Variants in PIP5K1B observed in about 807,000 individuals in gnomAD.
PIP5K1B encodes the protein phosphatidylinositol-4-phosphate 5-kinase type 1 beta, also known as phosphatidylinositol 4-phosphate 5-kinase type-1 beta.
A neutral mutation model predicts 67.0 loss-of-function variants in PIP5K1B; 42 were observed. The observed-to-expected ratio is 0.63, with a 90% CI of 0.49 to 0.81. PIP5K1B has a LOEUF of 0.81. PIP5K1B is among the 30% of genes least tolerant of loss of function. The pLI is 0.00. For missense variants in PIP5K1B, 459 were observed against 646.3 expected (o/e 0.71, Z 3.14); for synonymous variants, 214 against 231.4 (o/e 0.92, Z 0.68).
At chr9:68,969,161 G>A (rs528873548) in intron 14 of PIP5K1B, among the ~76,000 whole-genome samples, 2 of 152,192 alleles carry the variant, frequency 1.3e-5, no homozygotes, top group East Asian at 3.9e-4. Flanking sequence ...GAGGCCAGGA[G>A]ATCGAGACCA....
intron 2 of PIP5K1B, among the ~76,000 whole-genome samples, chr9:68,794,385 G>A (rs1832168858): frequency 7.5e-6 from 1 of 132,716 alleles, no homozygotes; most frequent in Non-Finnish European, 1.6e-5. Flanking sequence ...ATAAATGACA[G>A]TTTCTTTTCT....
intron 12 of PIP5K1B, among the ~76,000 whole-genome samples, chr9:68,924,429 A>G (rs908783396): frequency 1.3e-5 from 2 of 151,464 alleles, no homozygotes; most frequent in East Asian, 1.9e-4. Context: ...AAAAAAATGA[A>G]AAAAGAAAAA....
intron 15 of PIP5K1B, among the ~76,000 whole-genome samples, chr9:68,998,178 C>G (rs1830676003): frequency 6.6e-6 from 1 of 151,518 alleles, no homozygotes; most frequent in African/African-American, 2.4e-5. Context: ...TCTAGTGACT[C>G]TCCTGCCTCA....
intron 14 of PIP5K1B, among the ~76,000 whole-genome samples, chr9:68,946,334 C>A (rs939004765): frequency 1.3e-5 from 2 of 152,210 alleles, no homozygotes; most frequent in Non-Finnish European, 2.9e-5. Context: ...TAGGATGATG[C>A]ACTCGTTGAT....
intron 4 of PIP5K1B, among the ~76,000 whole-genome samples, chr9:68,852,612 A>G (rs535517162): frequency 6.6e-6 from 1 of 152,338 alleles, no homozygotes; most frequent in South Asian, 2.1e-4. Flanking sequence ...TACTGATGGT[A>G]ACCCAGGGCA....
chr9:68,775,279 C>A (rs142904478), intron 2 of PIP5K1B, among the ~76,000 whole-genome samples: 14 of 152,192 alleles, frequency 9.2e-5, no homozygotes, highest in African/African-American at 3.1e-4. Flanking sequence ...TTTCCTTCTT[C>A]ACAACTTCAT....
intron 4 of PIP5K1B, among the ~76,000 whole-genome samples, chr9:68,830,302 C>G (rs1443094463): frequency 6.6e-6 from 1 of 152,194 alleles, no homozygotes; most frequent in African/African-American, 2.4e-5. Context: ...CCCCTCCAAA[C>G]ACTTGTGCTT....
intron 1 of PIP5K1B, among the ~76,000 whole-genome samples, chr9:68,740,057 C>T (rs1335310325): frequency 6.6e-6 from 1 of 152,208 alleles, no homozygotes; most frequent in Non-Finnish European, 1.5e-5. Context: ...CCTTGATCAG[C>T]CAGCTCCCCA....
At chr9:68,927,664 G>A (rs923376175) in intron 12 of PIP5K1B, among the ~76,000 whole-genome samples, 19 of 152,054 alleles carry the variant, frequency 1.2e-4, no homozygotes, top group Non-Finnish European at 2.4e-4. Flanking sequence ...ACACAAGTCC[G>A]TTATCAGATA....
Position 68,751,511 on chromosome 9 carries a change from G to A in PIP5K1B, c.-86+8854G>A, listed in dbSNP as rs571754203. ...ACAAAGATTGAGATGAGAGAATAGAGGCAGGGAGTAATTCAGGTAATAAAA... is the reference window on the plus strand; with the variant it reads ...ACAAAGATTGAGATGAGAGAATAGAAGCAGGGAGTAATTCAGGTAATAAAA... On this transcript the variant is annotated intron_variant, in intron 2 of 15. Coordinates refer to ENST00000265382, the MANE Select transcript of PIP5K1B (RefSeq NM_003558.4). Among the ~76,000 whole-genome samples, 12 of 152,324 alleles carry A rather than the reference G, an allele frequency of 7.9e-5. No individual in the cohort carries two copies. The East Asian group carries it at 1.9e-3, about 24-fold the overall frequency.
chr9:69,008,373 G>A, intron 15 of PIP5K1B, 74 bp from the exon 16 acceptor site: 1 of 1,362,146 alleles, frequency 7.3e-7, no homozygotes, highest in Non-Finnish European at 1.1e-6. Context: ...ACGAACTTAT[G>A]TTGCGACTCA....
At chr9:68,928,071 A>G (rs1351437093) in intron 12 of PIP5K1B, among the ~76,000 whole-genome samples, 3 of 151,842 alleles carry the variant, frequency 2.0e-5, no homozygotes, top group African/African-American at 7.2e-5. Context: ...AACATAAACC[A>G]GACAAAAAAA....
intron 8 of PIP5K1B, among the ~76,000 whole-genome samples, chr9:68,896,438 G>A (rs1218095174): frequency 1.3e-5 from 2 of 151,784 alleles, no homozygotes; most frequent in East Asian, 1.9e-4. Context: ...GAGACCGCGA[G>A]GTCAAACCAA....
At chr9:68,961,216 CAAA>C (rs544251006) in intron 14 of PIP5K1B, among the ~76,000 whole-genome samples, 1 of 56,306 alleles carries the variant, frequency 1.8e-5, no homozygotes, top group Non-Finnish European at 3.4e-5. Context: ...GACTCCGTCT[CAAA>C]AAAAAAAAAA....
At chr9:68,892,985 A>G (rs536761156) in intron 7 of PIP5K1B, among the ~76,000 whole-genome samples, 7 of 152,150 alleles carry the variant, frequency 4.6e-5, no homozygotes, top group Admixed American at 2.6e-4. Flanking sequence ...AGGAAGGGGA[A>G]TCACTTGAAC....
At chr9:68,837,983 T>C (rs915419058) in intron 4 of PIP5K1B, among the ~76,000 whole-genome samples, 1 of 152,032 alleles carries the variant, frequency 6.6e-6, no homozygotes, top group South Asian at 2.1e-4. Context: ...CAGTAAACTT[T>C]TATTTTCTTC....
At chr9:68,949,769 C>T (rs900350151) in intron 14 of PIP5K1B, among the ~76,000 whole-genome samples, 2 of 152,190 alleles carry the variant, frequency 1.3e-5, no homozygotes, top group Admixed American at 6.5e-5. Flanking sequence ...GAGACTCCAG[C>T]GCCGACACGT....
At position 68,764,073 on chromosome 9, in the gene PIP5K1B, T is replaced by C. The variant is rs1351400903; in HGVS notation, c.-86+21416T>C. On this transcript the variant is annotated intron_variant, in intron 2 of 15. Coordinates refer to ENST00000265382, the MANE Select transcript of PIP5K1B (RefSeq NM_003558.4). ...TTTTGGACACCCCTCTACTATAACT[T>C]CTTTTTTTTTTTTTTTTTTTTTTTT... Among the ~76,000 whole-genome samples, 17 of 131,726 alleles carry C rather than the reference T, an allele frequency of 1.3e-4. 1 individual carries two copies. The Admixed American group carries it at 1.4e-3, about 11-fold the overall frequency. 86.4% of individuals were successfully genotyped at this position (131,726 alleles called of 152,430 possible). A position where few individuals can be genotyped will look rare whatever the true frequency, so the allele number is the denominator to read the frequency against.
At chr9:68,951,798 G>T (rs1828081855) in intron 14 of PIP5K1B, among the ~76,000 whole-genome samples, 1 of 152,162 alleles carries the variant, frequency 6.6e-6, no homozygotes, top group African/African-American at 2.4e-5. Flanking sequence ...TTAAGAAAAA[G>T]AGCAAGCCGT....
Sources: allele counts gnomAD v4.1 joint callset (sites outside exome capture counted in the v4.1 genomes callset), GRCh38; gene constraint gnomAD v4.1.1; transcripts MANE v1.5; gene names NCBI Gene and HGNC (gene_info 2026-07-23, HGNC 2026-07-21).